Variants in MINPP1 observed in about 807,000 individuals in gnomAD.
MINPP1 encodes multiple inositol-polyphosphate phosphatase 1, also known as multiple inositol polyphosphate phosphatase 1.
MINPP1 carries 28 observed loss-of-function variants against 46.1 expected under a neutral mutation model. The observed-to-expected ratio is 0.61, with a 90% CI of 0.45 to 0.83. The LOEUF (loss-of-function observed/expected upper bound fraction) is 0.83, where lower values mean the gene tolerates loss of function less well. Ranked by LOEUF, MINPP1 falls within the 40% of genes least tolerant of loss-of-function variation. The pLI is 0.00. For synonymous variants in MINPP1, 268 were observed against 249.1 expected (o/e 1.08, Z -0.72); for missense variants, 603 against 610.0 (o/e 0.99, Z 0.12).
chr10:87,531,818 G>A (rs1431103781), intron 4 of MINPP1, among the ~76,000 whole-genome samples: 1 of 152,116 alleles, frequency 6.6e-6, no homozygotes, highest in Non-Finnish European at 1.5e-5. Context: ...TGAATTTCAT[G>A]TCTAGACTTG....
chr10:87,534,042 ATTTTTTTTTTTTTTT>A (rs58579107), intron 4 of MINPP1, among the ~76,000 whole-genome samples: 1 of 55,376 alleles, frequency 1.8e-5, no homozygotes, highest in South Asian at 8.6e-4. Flanking sequence ...CTGGCTAAAT[ATTTTTTTTTTTTTTT>A]TTTTTTTTTT....
At chr10:87,508,563 T>G in intron 2 of MINPP1, 30 bp downstream of exon 2, 1 of 1,574,418 alleles carries the variant, frequency 6.4e-7, no homozygotes, top group Non-Finnish European at 8.7e-7. Flanking sequence ...TTATTTGAAC[T>G]TAACAGTTTA....
chr10:87,509,426 A>T (rs765491640), intron 2 of MINPP1, among the ~76,000 whole-genome samples: 2 of 152,218 alleles, frequency 1.3e-5, no homozygotes, highest in Non-Finnish European at 2.9e-5. Flanking sequence ...CTGGCAGTAC[A>T]TTGGCATCGC....
intron 4 of MINPP1, among the ~76,000 whole-genome samples, chr10:87,545,710 GAATGTGTAA>G (rs1851877296): frequency 6.6e-6 from 1 of 151,718 alleles, no homozygotes; most frequent in Non-Finnish European, 1.5e-5. Flanking sequence ...ATTGAGAGTA[GAATGTGTAA>G]GAAGCATGAA....
chr10:87,546,870 C>T (rs555511286), intron 4 of MINPP1, among the ~76,000 whole-genome samples: 1 of 152,254 alleles, frequency 6.6e-6, no homozygotes, highest in Admixed American at 6.5e-5. Flanking sequence ...GTCGAGGCTG[C>T]AGTGAGCCAT....
chr10:87,508,674 A>C (rs912990025), intron 2 of MINPP1, 141 bp downstream of exon 2: 3 of 803,552 alleles, frequency 3.7e-6, no homozygotes, highest in African/African-American at 1.7e-5. Context: ...GGGTCAAAAA[A>C]ATTGTATACC....
At position 87,508,483 on chromosome 10, in the gene MINPP1, T is replaced by C. The variant is rs1324428847; in HGVS notation, c.785T>C (p.Leu262Ser). ...FKTGPEMQNI[L>S]KKVAATLQVP... The stretch of plus-strand genomic sequence containing the variant: ...ACTGGACCAGAAATGCAGAACATTT[T>C]AAAAAAAGTTGCAGCTACTTTGCAA... The change falls in exon 2 of 5, where the codon TTA becomes TCA. Residue 262 changes from leucine to serine, a missense_variant. Leu to Ser is a moderately radical substitution (Grantham distance 145, BLOSUM62 -2). Around this residue, in one of 3 missense-constraint regions of MINPP1, gnomAD observed 344 missense variants for 381.1 expected, o/e 0.90. Transcript: ENST00000371996. 1 of 1,613,754 alleles carries C rather than the reference T, an allele frequency of 6.2e-7. No individual in the cohort carries two copies. Among genetic ancestry groups the C allele is most frequent in the Non-Finnish European group, 8.5e-7 (1 of 1,179,842 alleles).
At chr10:87,520,849 G>A (rs1422742951) in intron 3 of MINPP1, among the ~76,000 whole-genome samples, 187 bp from the exon 4 acceptor site, 3 of 152,054 alleles carry the variant, frequency 2.0e-5, no homozygotes, top group Non-Finnish European at 4.4e-5. Flanking sequence ...AATTTGTGAT[G>A]CAGCATAAAT....
At position 87,505,537 on chromosome 10, in the gene MINPP1, C is replaced by G; in HGVS notation, c.622C>G (p.Pro208Ala). Reference sequence around the variant, plus strand: ...GCAGCACTACCACCCTGGCTTGCCGCCGCCGGACGTCGCAGGTGACCCCCC... The same window carrying G: ...GCAGCACTACCACCCTGGCTTGCCGGCGCCGGACGTCGCAGGTGACCCCCC... ...LWQHYHPGLP[P>A]PDVADMEFGP... The change falls in exon 1 of 5, where the codon CCG (proline) becomes GCG (alanine). Residue 208 changes from proline (P) to alanine (A), a missense_variant. Coordinates refer to ENST00000371996, the MANE Select transcript of MINPP1 (RefSeq NM_004897.5). The surrounding 1 kb of genome is among the most constrained non-coding windows in gnomAD (Gnocchi z 4.4). 6.2e-7 allele frequency: 1 copy of G among 1,607,658 alleles called. No individual in the cohort carries two copies. The highest frequency in any genetic ancestry group is 8.5e-7 in the Non-Finnish European group (1 of 1,179,236).
chr10:87,543,616 T>C (rs903763030), intron 4 of MINPP1, among the ~76,000 whole-genome samples: 5 of 152,288 alleles, frequency 3.3e-5, no homozygotes, highest in Admixed American at 6.5e-5. Context: ...ATCACTAAAA[T>C]GAGTTTGGTC....
intron 4 of MINPP1, among the ~76,000 whole-genome samples, chr10:87,533,562 C>T (rs184892228): frequency 3.9e-5 from 6 of 152,168 alleles, no homozygotes; most frequent in African/African-American, 7.2e-5. Context: ...TTTTTAGATT[C>T]GAGGATTTCA....
At chr10:87,525,379 GATATA>G (rs1277722877) in intron 4 of MINPP1, among the ~76,000 whole-genome samples, 3 of 152,158 alleles carry the variant, frequency 2.0e-5, no homozygotes, top group Admixed American at 6.5e-5. Context: ...TAAATGGAAT[GATATA>G]ATATGTGGTT....
chr10:87,511,483 A>G (rs1331478662), intron 2 of MINPP1, among the ~76,000 whole-genome samples: 1 of 151,914 alleles, frequency 6.6e-6, no homozygotes, highest in Non-Finnish European at 1.5e-5. Flanking sequence ...TAAATTTCTT[A>G]TCCACCTGAA....
intron 4 of MINPP1, among the ~76,000 whole-genome samples, chr10:87,522,819 C>G (rs577308367): frequency 2.2e-4 from 34 of 152,298 alleles, no homozygotes; most frequent in Non-Finnish European, 3.8e-4. Context: ...AAAGATGTCT[C>G]TGTAACACAT....
At position 87,520,358 on chromosome 10, in the gene MINPP1, T is replaced by C. The variant is rs188380206; in HGVS notation, c.934-678T>C. Reference sequence around the variant, plus strand: ...TGGTGTTCCTCTGTGAATATCACTTTATAAGAAATGGAATTAAATGGGTCA... The same window carrying C: ...TGGTGTTCCTCTGTGAATATCACTTCATAAGAAATGGAATTAAATGGGTCA... On this transcript the variant is annotated intron_variant, in intron 3 of 4. Coordinates refer to ENST00000371996, the MANE Select transcript of MINPP1 (RefSeq NM_004897.5). 5.3e-5 allele frequency among the ~76,000 whole-genome samples: 8 copies of C among 152,308 alleles called. 1 individual carries two copies. The East Asian group carries it at 1.2e-3, about 22-fold the overall frequency.
At chr10:87,520,901 G>A (rs1354480867) in intron 3 of MINPP1, 135 bp from the exon 4 acceptor site, 2 of 530,202 alleles carry the variant, frequency 3.8e-6, no homozygotes, top group Admixed American at 3.3e-5. Context: ...CTTAAATGCT[G>A]GAAAGGACAA....
intron 4 of MINPP1, among the ~76,000 whole-genome samples, chr10:87,551,483 T>A (rs1457111448): frequency 6.6e-6 from 1 of 152,066 alleles, no homozygotes; most frequent in Non-Finnish European, 1.5e-5. Context: ...TGGTTTGTAT[T>A]CCTGGCACTT....
chr10:87,543,648 A>T (rs1008026637), intron 4 of MINPP1, among the ~76,000 whole-genome samples: 3 of 152,232 alleles, frequency 2.0e-5, no homozygotes, highest in Non-Finnish European at 4.4e-5. Context: ...ACTGGATTAT[A>T]AGACATATTA....
intron 4 of MINPP1, among the ~76,000 whole-genome samples, chr10:87,546,156 A>G (rs993787740): frequency 6.6e-6 from 1 of 152,266 alleles, no homozygotes; most frequent in African/African-American, 2.4e-5. Flanking sequence ...AAATAATAGC[A>G]TAAATTAATC....
Sources: gnomAD v4.1 joint callset for allele counts (sites outside exome capture counted in the v4.1 genomes callset) on GRCh38, gnomAD v4.1.1 for gene constraint, gnomAD v4.1.1 regional missense constraint, Gnocchi (gnomAD v3.1) non-coding constraint, MANE v1.5 for transcripts, NCBI Gene and HGNC (gene_info 2026-07-23, HGNC 2026-07-21) for gene names.